ETV5: variants seen among roughly 807,000 people sequenced by gnomAD.
The protein encoded by ETV5 is ETS translocation variant 5.
A neutral mutation model predicts 70.0 loss-of-function variants in ETV5; 10 were observed. That is an observed-to-expected ratio of 0.14 (90% CI 0.09 to 0.24). The LOEUF (loss-of-function observed/expected upper bound fraction) is 0.24. Among genes scored for constraint, ETV5 ranks in the 10% least tolerant of loss-of-function variants. The pLI, the probability that ETV5 is intolerant of heterozygous loss-of-function variation, is 1.00. For missense variants in ETV5, 453 were observed against 651.2 expected, an observed-to-expected ratio of 0.70 and a Z score of 3.31; for synonymous variants, 216 against 242.2, an observed-to-expected ratio of 0.89 and a Z score of 1.01.
intron 12 of ETV5, 98 bp downstream of exon 12, chr3:186,051,932 T>C (rs1487122765): frequency 1.7e-6 from 2 of 1,207,076 alleles, no homozygotes; most frequent in East Asian, 2.4e-5. Flanking sequence ...GGGGCTAAAA[T>C]TTCCTCGTAG....
rs913208524 is a variant in ETV5 at position 186,088,868 on chromosome 3, C to T, written c.233-7693G>A. 2.6e-5 allele frequency among the ~76,000 whole-genome samples: 4 copies of T among 152,014 alleles called. No homozygotes were observed. In the South Asian group the frequency reaches 6.2e-4, roughly 24 times the overall value. ...TACTCTTAGCTCTTGCCTTTTTTGA[C>T]GAATTTTGAGACAAAGCTCAAATAC... On this transcript the variant is annotated intron_variant, in intron 5 of 12. Coordinates refer to ENST00000306376, the MANE Select transcript of ETV5 (RefSeq NM_004454.3).
intron 5 of ETV5, among the ~76,000 whole-genome samples, chr3:186,096,528 T>G (rs1049370816): frequency 2.6e-5 from 4 of 152,086 alleles, no homozygotes; most frequent in Admixed American, 2.6e-4. Flanking sequence ...GGTTACCTCC[T>G]GAGAGGTTTC....
At chr3:186,073,394 T>A (rs957545432) in intron 7 of ETV5, among the ~76,000 whole-genome samples, 2 of 152,172 alleles carry the variant, frequency 1.3e-5, no homozygotes, top group African/African-American at 4.8e-5. Context: ...CGCTTCTGTG[T>A]GGTATCTATT....
chr3:186,108,634 C>G, intron 1 of ETV5: 1 of 1,170,422 alleles, frequency 8.5e-7, no homozygotes, highest in Non-Finnish European at 1.1e-6. Flanking sequence ...CTCGCAACTC[C>G]GCGATCCCCC....
intron 6 of ETV5, 94 bp from the exon 7 acceptor site, chr3:186,080,198 T>C (rs1023369738): frequency 7.5e-6 from 8 of 1,070,928 alleles, no homozygotes; most frequent in Non-Finnish European, 6.4e-6. Flanking sequence ...CAGCCCATTG[T>C]TGCCAGGAAA....
At chr3:186,102,145 G>A (rs1232949939) in intron 5 of ETV5, among the ~76,000 whole-genome samples, 1 of 151,372 alleles carries the variant, frequency 6.6e-6, no homozygotes, top group African/African-American at 2.4e-5. Context: ...AATCTCTTTA[G>A]AAGTTGAACT....
rs369053886 is a variant in ETV5, at chr3:186,072,875, C to T, written c.651-6803G>A. ...TTTGGCTGGGCGTGGTGGTGCACAC[C>T]TGTAATCCCAGCACTTTGGGAGGCC... On this transcript the variant is annotated intron_variant, in intron 7 of 12. Coordinates refer to ENST00000306376, the MANE Select transcript of ETV5 (RefSeq NM_004454.3). Among the ~76,000 whole-genome samples, 55 of 152,314 alleles carry T rather than the reference C, an allele frequency of 3.6e-4. 2 individuals are homozygous for T. The South Asian group carries it at 0.011, about 31-fold the overall frequency.
rs147674664 is a variant in ETV5, at chr3:186,071,726, G to A, written c.651-5654C>T. 5.4e-3 allele frequency among the ~76,000 whole-genome samples: 820 copies of A among 151,988 alleles called. 9 individuals are homozygous for A. The highest frequency in any genetic ancestry group is 0.019 in the African/African-American group (778 of 41,496). On this transcript the variant is annotated intron_variant, in intron 7 of 12. Coordinates refer to ENST00000306376, the MANE Select transcript of ETV5 (RefSeq NM_004454.3). ...TCCCCACACTTTGGGAGCTCGAGGC[G>A]GGCAGATCACCTTGTGAGTTCCTTA...
chr3:186,087,838 A>ATT (rs200220422), intron 5 of ETV5, among the ~76,000 whole-genome samples: 3 of 143,770 alleles, frequency 2.1e-5, no homozygotes, highest in Non-Finnish European at 4.6e-5. Context: ...ATTCAAAAGC[A>ATT]TTTTTTTTTT....
chr3:186,081,098 G>A lies in ETV5; in HGVS notation c.310C>T (p.His104Tyr). The A allele has an allele frequency of 6.2e-7, 1 of 1,613,820 alleles. No homozygotes were observed. The highest frequency in any genetic ancestry group is 1.1e-5 in the South Asian group (1 of 91,032). Residue 104 changes from histidine (H) to tyrosine (Y), a missense_variant, in exon 6 of 13, where the codon CAT (histidine) becomes TAT (tyrosine). Physicochemically the swap from His to Tyr is moderately conservative, Grantham distance 83. Transcript: ENST00000306376. ...TAGTTAGCACCAAGAGCCTGCTCAT[G>A]GCTACAAGACGACAGCTCAGAGGAG... The part of the protein sequence containing the change: ...SPSSELSSCS[H>Y]EQALGANYGE...
chr3:186,071,082 C>T (rs1033923219), intron 7 of ETV5, among the ~76,000 whole-genome samples: 4 of 152,190 alleles, frequency 2.6e-5, no homozygotes, highest in South Asian at 4.1e-4. Flanking sequence ...TTTCCTCCCA[C>T]GAGCTCACCC....
chr3:186,051,167 G>T (rs1034286842), intron 12 of ETV5, among the ~76,000 whole-genome samples: 2 of 152,168 alleles, frequency 1.3e-5, no homozygotes, highest in Admixed American at 1.3e-4. Flanking sequence ...TATTTTTTAA[G>T]GTGGCGAGGA....
At chr3:186,074,859 CAAAAAAAAAAA>C (rs747453303) in intron 7 of ETV5, among the ~76,000 whole-genome samples, 14 of 76,478 alleles carry the variant, frequency 1.8e-4, no homozygotes, top group Admixed American at 1.0e-3. Flanking sequence ...ACTCTGTCTC[CAAAAAAAAAAA>C]AAAAAAAAAA....
At chr3:186,080,903 G>A (rs1047954605) in intron 6 of ETV5, 143 bp downstream of exon 6, 17 of 973,824 alleles carry the variant, frequency 1.7e-5, no homozygotes, top group Admixed American at 2.5e-5. Flanking sequence ...GACTACACCC[G>A]GAGGATGACA....
intron 5 of ETV5, among the ~76,000 whole-genome samples, chr3:186,096,309 T>G (rs1362239446): frequency 6.6e-6 from 1 of 152,214 alleles, no homozygotes; most frequent in African/African-American, 2.4e-5. Context: ...CGGCCTTTAC[T>G]GTGGGTGACC....
chr3:186,099,550 T>A (rs994756486), intron 5 of ETV5, among the ~76,000 whole-genome samples: 1 of 152,180 alleles, frequency 6.6e-6, no homozygotes, highest in African/African-American at 2.4e-5. Context: ...TGGATGTACT[T>A]TACCACCACT....
intron 11 of ETV5, among the ~76,000 whole-genome samples, chr3:186,053,518 A>C (rs1396279615): frequency 6.6e-6 from 1 of 152,236 alleles, no homozygotes; most frequent in African/African-American, 2.4e-5. Context: ...ACATCTTCTA[A>C]ATTCAGGATT....
intron 9 of ETV5, among the ~76,000 whole-genome samples, chr3:186,058,107 A>T (rs1029495054): frequency 3.3e-5 from 5 of 152,242 alleles, no homozygotes; most frequent in Non-Finnish European, 5.9e-5. Context: ...AATTCACTGT[A>T]TAGATGACAA....
rs1332934017 is a variant in ETV5 at position 186,080,103 on chromosome 3, C to T, written c.364G>A (p.Ala122Thr). 1 of 1,469,882 alleles carries T rather than the reference C, an allele frequency of 6.8e-7. No individual in the cohort carries two copies. The highest frequency in any genetic ancestry group is 9.0e-7 in the Non-Finnish European group (1 of 1,116,754). The allele number at this position is 1,469,882 out of a possible 1,614,324, so 91.1% of individuals were successfully genotyped here. ...CCAGAGGGAGGCTTCCTATCATAGG[C>T]ACTGTAAACAGAAAAAGAGAAGGAA... ...YGEKCLYNYC[A>T]YDRKPPSGFK... The change falls in exon 7 of 13, where the codon GCC (alanine) becomes ACC (threonine). Residue 122 changes from alanine to threonine, a missense_variant and splice_region_variant. By Grantham distance (58) the Ala-to-Thr change is moderately conservative. Coordinates refer to ENST00000306376, the MANE Select transcript of ETV5 (RefSeq NM_004454.3).
Sources: allele counts gnomAD v4.1 joint callset (sites outside exome capture counted in the v4.1 genomes callset), GRCh38; gene constraint gnomAD v4.1.1; transcripts MANE v1.5; gene names NCBI Gene and HGNC (gene_info 2026-07-23, HGNC 2026-07-21).